Variants in ARMC2 observed in about 807,000 individuals in gnomAD.
ARMC2 encodes the protein armadillo repeat-containing protein 2.
Under a neutral mutation model 90.3 loss-of-function variants are expected in ARMC2, and 67 were observed. That is an observed-to-expected ratio of 0.74 (90% confidence interval 0.61 to 0.91). The LOEUF (loss-of-function observed/expected upper bound fraction) is 0.91, where lower values mean the gene tolerates loss of function less well. Among genes scored for constraint, ARMC2 ranks in the 40% least tolerant of loss-of-function variants. ARMC2 has a pLI of 0.00. For missense variants in ARMC2, 920 were observed against 1,030.9 expected (o/e 0.89, Z 1.47); for synonymous variants, 393 against 393.0 (o/e 1.00, Z 0.00).
the ARMC2 span, among the ~76,000 whole-genome samples, chr6:108,995,362 AT>A: frequency 1.3e-5 from 2 of 152,168 alleles, no homozygotes; most frequent in South Asian, 2.1e-4. Context: ...AATTAGCTTT[AT>A]TTCTACAATT....
chr6:108,981,341 G>A, the ARMC2 span, among the ~76,000 whole-genome samples: 9 of 151,894 alleles, frequency 5.9e-5, no homozygotes, highest in Admixed American at 2.0e-4. Context: ...AAAAAAACAC[G>A]TAAAATCTAC....
chr6:108,921,756 C>T (rs1774593761), intron 10 of ARMC2, among the ~76,000 whole-genome samples: 1 of 152,232 alleles, frequency 6.6e-6, no homozygotes, highest in South Asian at 2.1e-4. Context: ...TAAATCATTT[C>T]ACACTGTTTG....
the ARMC2 span, among the ~76,000 whole-genome samples, chr6:109,035,314 A>G: frequency 6.6e-6 from 1 of 152,132 alleles, no homozygotes; most frequent in African/African-American, 2.4e-5. Context: ...AACTTCAGAG[A>G]GCTAAGTCAG....
At position 108,963,234 on chromosome 6, in the gene ARMC2, A is replaced by G. The variant is rs563564208; in HGVS notation, c.2153-946A>G. Among the ~76,000 whole-genome samples, 20 of 152,316 alleles carry G rather than the reference A, an allele frequency of 1.3e-4. 1 individual carries two copies. The South Asian group carries it at 4.1e-3, about 32-fold the overall frequency. On this transcript the variant is annotated intron_variant, in intron 15 of 17. Coordinates refer to ENST00000392644, the MANE Select transcript of ARMC2 (RefSeq NM_032131.6). ...TCTCAAATATTTTTGTATGTCTCAA[A>G]TATTAGTATACTTTGACTCTTTGTA... is the stretch of plus-strand genomic sequence containing the variant.
intron 12 of ARMC2, among the ~76,000 whole-genome samples, chr6:108,951,254 G>A (rs1172181045): frequency 2.0e-5 from 3 of 152,106 alleles, no homozygotes; most frequent in African/African-American, 7.2e-5. Context: ...TGTTAGCCTT[G>A]TCTTCTCAGT....
chr6:108,876,247 A>G lies in ARMC2; in HGVS notation c.568A>G (p.Ser190Gly), dbSNP rs972967057. The change falls in exon 5 of 18, where the codon AGT (serine) becomes GGT (glycine). Residue 190 changes from serine (S) to glycine (G), a missense_variant. Ser to Gly is a moderately conservative substitution (Grantham distance 56). Transcript: ENST00000392644. ...ATCAAATGCTATTTGCCACTTAAAG[A>G]GTCACCCACTTCAGCTAACTGATGA... ...TKSNAICHLK[S>G]HPLQLTDDGG... 3 of 1,613,206 alleles carry G rather than the reference A, an allele frequency of 1.9e-6. No homozygotes were observed. The African/African-American group carries it at 4.0e-5, about 22-fold the overall frequency.
At chr6:108,891,647 C>T (rs1182228276) in intron 5 of ARMC2, among the ~76,000 whole-genome samples, 1 of 152,004 alleles carries the variant, frequency 6.6e-6, no homozygotes, top group Non-Finnish European at 1.5e-5. Flanking sequence ...TGGATATTAG[C>T]CCTTTGTCAG....
the ARMC2 span, among the ~76,000 whole-genome samples, chr6:109,023,131 C>A: frequency 6.6e-6 from 1 of 152,168 alleles, no homozygotes; most frequent in Non-Finnish European, 1.5e-5. Context: ...TAAAAATGTT[C>A]TATAACATCT....
chr6:108,982,916 G>A, the ARMC2 span, among the ~76,000 whole-genome samples: 1 of 151,466 alleles, frequency 6.6e-6, no homozygotes, highest in Non-Finnish European at 1.5e-5. Flanking sequence ...CGCTTCCCAG[G>A]TTCAAGCCAT....
At chr6:108,933,539 AG>A (rs1775745186) in intron 11 of ARMC2, among the ~76,000 whole-genome samples, 1 of 152,184 alleles carries the variant, frequency 6.6e-6, no homozygotes, top group Admixed American at 6.5e-5. Flanking sequence ...CTGACTCTAA[AG>A]GAAATATTTT....
intron 5 of ARMC2, among the ~76,000 whole-genome samples, chr6:108,879,440 C>T (rs1777285805): frequency 6.6e-6 from 1 of 151,576 alleles, no homozygotes; most frequent in Non-Finnish European, 1.5e-5. Flanking sequence ...CCTATCCATG[C>T]ACCCATTCAC....
At chr6:108,912,264 C>A in intron 9 of ARMC2, 71 bp from the exon 10 acceptor site, 1 of 1,102,324 alleles carries the variant, frequency 9.1e-7, no homozygotes, top group Non-Finnish European at 1.3e-6. Context: ...TATGTTCACA[C>A]ACAAGTGCTT....
intron 3 of ARMC2, among the ~76,000 whole-genome samples, chr6:108,867,817 C>G (rs940464722): frequency 6.6e-6 from 1 of 151,086 alleles, no homozygotes; most frequent in Non-Finnish European, 1.5e-5. Context: ...CTCCTTTAAT[C>G]CTAGCTACTC....
At chr6:109,040,657 CTT>C in the ARMC2 span, among the ~76,000 whole-genome samples, 14 of 142,032 alleles carry the variant, frequency 9.9e-5, no homozygotes, top group Non-Finnish European at 1.1e-4. Flanking sequence ...CTAGCATAAT[CTT>C]TTTTTTTTTT....
At chr6:108,853,511 A>G (rs1359003125) in intron 1 of ARMC2, among the ~76,000 whole-genome samples, 1 of 152,150 alleles carries the variant, frequency 6.6e-6, no homozygotes, top group Non-Finnish European at 1.5e-5. Flanking sequence ...CTAATGCTAT[A>G]TACTCATTAG....
chr6:108,874,192 G>A (rs1776713428), intron 4 of ARMC2, among the ~76,000 whole-genome samples: 1 of 152,118 alleles, frequency 6.6e-6, no homozygotes, highest in Non-Finnish European at 1.5e-5. Flanking sequence ...GAGCCCCCCA[G>A]GGCAGCTCTT....
chr6:108,886,363 G>A (rs771222762), intron 5 of ARMC2, among the ~76,000 whole-genome samples: 13 of 152,246 alleles, frequency 8.5e-5, no homozygotes, highest in Non-Finnish European at 1.9e-4. Context: ...TTCGAGACCC[G>A]CTTGTCCAAC....
rs115044508 is a variant in ARMC2 at position 108,900,418 on chromosome 6, T to G, written c.847+626T>G. ...TTTCTCCCTCTTTGCAGCTAGCTCC[T>G]CAAGGATTCTCTTTCTGAAGTTAAC... On this transcript the variant is annotated intron_variant, in intron 7 of 17. Transcript: ENST00000392644. 4.0e-3 allele frequency among the ~76,000 whole-genome samples: 616 copies of G among 152,312 alleles called. 2 individuals carry two copies. Among genetic ancestry groups the G allele is most frequent in the African/African-American group, 0.014 (577 of 41,568 alleles).
At chr6:109,034,300 G>T in the ARMC2 span, among the ~76,000 whole-genome samples, 1 of 152,080 alleles carries the variant, frequency 6.6e-6, no homozygotes, top group African/African-American at 2.4e-5. Flanking sequence ...TTTGGTATTT[G>T]TAATGGTATA....
Sources: gnomAD v4.1 joint callset for allele counts (sites outside exome capture counted in the v4.1 genomes callset) on GRCh38, gnomAD v4.1.1 for gene constraint, MANE v1.5 for transcripts, NCBI Gene and HGNC (gene_info 2026-07-23, HGNC 2026-07-21) for gene names.